WIPF2: variants seen among roughly 807,000 people sequenced by gnomAD.
WIPF2 encodes the protein WAS/WASL interacting protein family member 2.
WIPF2 carries 23 observed loss-of-function variants against 38.8 expected under a neutral mutation model. The observed-to-expected ratio is 0.59, with a 90% confidence interval of 0.43 to 0.84. WIPF2 has a LOEUF of 0.84. Among genes scored for constraint, WIPF2 ranks in the 40% least tolerant of loss-of-function variants. The probability of loss-of-function intolerance (pLI) is 0.00; values close to 1 mark genes in which losing one functional copy is unlikely to be tolerated. For synonymous variants in WIPF2, 210 were observed against 223.2 expected, an observed-to-expected ratio of 0.94 and a Z score of 0.53; for missense variants, 574 against 580.5, an observed-to-expected ratio of 0.99 and a Z score of 0.11.
At chr17:40,256,333 C>G in intron 1 of WIPF2, 58 bp from the exon 2 acceptor site, 1 of 1,422,494 alleles carries the variant, frequency 7.0e-7, no homozygotes, top group Non-Finnish European at 9.5e-7. Flanking sequence ...TCTCATTCTC[C>G]TGGGCACTTG....
At chr17:40,227,450 C>G (rs1418986533) in intron 1 of WIPF2, among the ~76,000 whole-genome samples, 1 of 152,114 alleles carries the variant, frequency 6.6e-6, no homozygotes, top group Non-Finnish European at 1.5e-5. Context: ...ATCAACTCAC[C>G]TGCCAAGAAA....
chr17:40,245,991 T>G (rs555996330), intron 1 of WIPF2, among the ~76,000 whole-genome samples: 22 of 152,140 alleles, frequency 1.4e-4, no homozygotes, highest in Non-Finnish European at 2.6e-4. Flanking sequence ...TTTTCATAGA[T>G]ATCTCCATTC....
intron 1 of WIPF2, among the ~76,000 whole-genome samples, chr17:40,223,519 C>G (rs968516536): frequency 6.8e-6 from 1 of 147,622 alleles, no homozygotes; most frequent in Admixed American, 6.8e-5. Context: ...TCTAGACTCA[C>G]TAGGTGTTTT....
Position 40,260,797 on chromosome 17 carries a change from C to A in WIPF2, c.196+130C>A, listed in dbSNP as rs1364100243. ...TCCTGGGATGTGCTTTGGCTCTCTT[C>A]TTATTCATTCTTCTGAACCTTAGAA... On this transcript the variant is annotated intron_variant, in intron 3 of 7. Transcript: ENST00000323571. 5 of 1,209,278 alleles carry A rather than the reference C, an allele frequency of 4.1e-6. No homozygotes were observed. In the African/African-American group the frequency reaches 6.0e-5, roughly 15 times the overall value. The allele number at this position is 1,209,278 out of a possible 1,614,324, so 74.9% of individuals were successfully genotyped here.
chr17:40,227,966 G>A (rs1406330552), intron 1 of WIPF2, among the ~76,000 whole-genome samples: 1 of 134,886 alleles, frequency 7.4e-6, no homozygotes, highest in Non-Finnish European at 1.6e-5. Flanking sequence ...GTAGCACACT[G>A]TTAATACTAT....
intron 3 of WIPF2, 82 bp from the exon 4 acceptor site, chr17:40,262,442 TA>T (rs2031942786): frequency 1.8e-6 from 2 of 1,097,746 alleles, no homozygotes; most frequent in Non-Finnish European, 2.7e-6. Context: ...ATAGCCCAGA[TA>T]GAGGAGTGGT....
intron 7 of WIPF2, 34 bp from the exon 8 acceptor site, chr17:40,278,151 G>T (rs1394445459): frequency 6.2e-7 from 1 of 1,603,648 alleles, no homozygotes; most frequent in Admixed American, 1.7e-5. Context: ...TGGGTGACCT[G>T]TATGTGTGTG....
At chr17:40,241,931 A>C (rs923629466) in intron 1 of WIPF2, among the ~76,000 whole-genome samples, 1 of 152,178 alleles carries the variant, frequency 6.6e-6, no homozygotes, top group African/African-American at 2.4e-5. Flanking sequence ...TTAAGAGCCA[A>C]ATAGTACTTG....
At chr17:40,242,323 T>G (rs2145321919) in intron 1 of WIPF2, among the ~76,000 whole-genome samples, 1 of 152,288 alleles carries the variant, frequency 6.6e-6, no homozygotes, top group Middle Eastern at 3.4e-3. Flanking sequence ...GCTGTGATTG[T>G]GCCACTTGCA....
At chr17:40,263,215 C>T (rs376502676) in intron 4 of WIPF2, among the ~76,000 whole-genome samples, 1 of 152,092 alleles carries the variant, frequency 6.6e-6, no homozygotes, top group East Asian at 1.9e-4. Flanking sequence ...AGATGGTGGG[C>T]GGGGGATGGT....
intron 7 of WIPF2, 121 bp from the exon 8 acceptor site, chr17:40,278,064 G>T (rs565311033): frequency 8.5e-7 from 1 of 1,170,758 alleles, no homozygotes; most frequent in East Asian, 2.6e-5. Flanking sequence ...ATAATAACAC[G>T]TAGTCCCCAG....
chr17:40,220,464 T>C lies in WIPF2; in HGVS notation c.-70+972T>C, dbSNP rs2030129902. ...GGGCTGGAGTGCAGTGGCATGATCA[T>C]GGCTCCTTAAAGCCTCGACCTCCCG... is the stretch of plus-strand genomic sequence containing the variant. On this transcript the variant is annotated intron_variant, in intron 1 of 7. Coordinates refer to ENST00000323571, the MANE Select transcript of WIPF2 (RefSeq NM_133264.5). The C allele has an allele frequency of 2.0e-5, 3 of 149,674 alleles. No individual in the cohort carries two copies. In the Admixed American group the frequency reaches 2.0e-4, roughly 10 times the overall value. 9.3% of individuals were successfully genotyped at this position (149,674 alleles called of 1,614,324 possible).
rs374154142 is a variant in WIPF2, at chr17:40,249,925, C to T, written c.-69-6466C>T. On this transcript the variant is annotated intron_variant, in intron 1 of 7. Transcript: ENST00000323571. ...TTGGCTAACTGCAACCTCCGCCTCCCGGGTTCAAGCAATTCTCCTGCCTCA... is the reference window on the plus strand; with the variant it reads ...TTGGCTAACTGCAACCTCCGCCTCCTGGGTTCAAGCAATTCTCCTGCCTCA... Among the ~76,000 whole-genome samples, 38 of 149,522 alleles carry T rather than the reference C, an allele frequency of 2.5e-4. No individual in the cohort carries two copies. In the South Asian group the frequency reaches 7.3e-3, roughly 29 times the overall value.
At chr17:40,274,996 T>G (rs2032354490) in intron 6 of WIPF2, among the ~76,000 whole-genome samples, 1 of 150,588 alleles carries the variant, frequency 6.6e-6, no homozygotes, top group South Asian at 2.1e-4. Context: ...TCGCAGTACT[T>G]TGGGAGGCCG....
intron 1 of WIPF2, among the ~76,000 whole-genome samples, chr17:40,225,018 A>G (rs942600271): frequency 6.6e-6 from 1 of 152,070 alleles, no homozygotes; most frequent in Non-Finnish European, 1.5e-5. Flanking sequence ...GCCCCGGATT[A>G]GAGTGGATGG....
At position 40,278,263 on chromosome 17, in the gene WIPF2, C is replaced by T; in HGVS notation, c.*38C>T. The stretch of plus-strand genomic sequence containing the variant: ...TCCCGTTCCTCAGGAAAAGGATGGA[C>T]CTTCTCTTCTTCTCAGATGGTCCCT... On this transcript the variant is annotated 3_prime_UTR_variant, in exon 8 of 8. Coordinates refer to ENST00000323571, the MANE Select transcript of WIPF2 (RefSeq NM_133264.5). The T allele has an allele frequency of 1.2e-6, 2 of 1,609,270 alleles. No homozygotes were observed. Among genetic ancestry groups the T allele is most frequent in the East Asian group, 2.2e-5 (1 of 44,810 alleles).
chr17:40,269,293 A>C (rs2032179959), intron 5 of WIPF2, among the ~76,000 whole-genome samples: 1 of 152,084 alleles, frequency 6.6e-6, no homozygotes, highest in South Asian at 2.1e-4. Context: ...GCACTCCAGC[A>C]TGGGTGACTG....
intron 4 of WIPF2, among the ~76,000 whole-genome samples, chr17:40,263,091 T>G (rs1478614600): frequency 6.6e-6 from 1 of 152,048 alleles, no homozygotes; most frequent in Non-Finnish European, 1.5e-5. Context: ...GAGATGTTGG[T>G]CAAAGGGTAC....
At chr17:40,237,644 A>G (rs2031028246) in intron 1 of WIPF2, among the ~76,000 whole-genome samples, 2 of 149,184 alleles carry the variant, frequency 1.3e-5, no homozygotes, top group African/African-American at 4.9e-5. Flanking sequence ...TTAATTTCCA[A>G]GGGCTTTTTG....
Sources: allele counts gnomAD v4.1 joint callset (sites outside exome capture counted in the v4.1 genomes callset), GRCh38; gene constraint gnomAD v4.1.1; transcripts MANE v1.5; gene names NCBI Gene and HGNC (gene_info 2026-07-23, HGNC 2026-07-21).